Variants in NELL1 observed in about 807,000 individuals in gnomAD.
NELL1 encodes protein kinase C-binding protein NELL1.
In NELL1, 76 loss-of-function variants were observed where a neutral mutation model predicts 107.4. The observed-to-expected ratio is 0.71, with a 90% confidence interval of 0.59 to 0.86. The LOEUF (loss-of-function observed/expected upper bound fraction) is 0.86. Among genes scored for constraint, NELL1 ranks in the 40% least tolerant of loss-of-function variants. The pLI, the probability that NELL1 is intolerant of heterozygous loss-of-function variation, is 0.00. For synonymous variants in NELL1, 353 were observed against 341.2 expected (o/e 1.03, Z -0.38); for missense variants, 1,024 against 1,005.5 (o/e 1.02, Z -0.25).
At chr11:21,184,295 G>A (rs890532402) in intron 13 of NELL1, among the ~76,000 whole-genome samples, 3 of 151,654 alleles carry the variant, frequency 2.0e-5, no homozygotes, top group Admixed American at 1.3e-4. Flanking sequence ...TTGAGATGGA[G>A]TCTTGCTTTT....
At chr11:21,522,731 A>G (rs1855757267) in intron 15 of NELL1, among the ~76,000 whole-genome samples, 1 of 150,492 alleles carries the variant, frequency 6.6e-6, no homozygotes, top group South Asian at 2.1e-4. Flanking sequence ...TTTCAAATCT[A>G]TATATTTGAG....
chr11:21,194,393 G>A (rs997701273), intron 13 of NELL1, among the ~76,000 whole-genome samples: 1 of 152,076 alleles, frequency 6.6e-6, no homozygotes, highest in Middle Eastern at 3.2e-3. Context: ...GTTGCTCAGT[G>A]GTCCTCAACC....
At chr11:21,293,559 G>A (rs1464813404) in intron 14 of NELL1, among the ~76,000 whole-genome samples, 1 of 152,148 alleles carries the variant, frequency 6.6e-6, no homozygotes, top group Non-Finnish European at 1.5e-5. Flanking sequence ...AATACCATTT[G>A]ACCCAGCAAT....
intron 2 of NELL1, among the ~76,000 whole-genome samples, chr11:20,688,622 T>C (rs1715275): frequency 0.2 from 30,519 of 152,086 alleles, 3,329 homozygotes; most frequent in African/African-American, 0.25. Context: ...ACATTTTCTT[T>C]ATCCAATCCA....
intron 12 of NELL1, among the ~76,000 whole-genome samples, chr11:21,095,394 A>G (rs574556979): frequency 4.6e-5 from 7 of 152,248 alleles, no homozygotes; most frequent in Non-Finnish European, 8.8e-5. Context: ...CCTGTAACCC[A>G]GTTCCAAAGT....
At chr11:20,930,983 T>C (rs541442295) in intron 9 of NELL1, among the ~76,000 whole-genome samples, 28 of 152,292 alleles carry the variant, frequency 1.8e-4, no homozygotes, top group Non-Finnish European at 2.6e-4. Flanking sequence ...AAGGCACCTC[T>C]GGTAATTAAA....
chr11:21,555,873 A>G (rs920014233), intron 16 of NELL1, among the ~76,000 whole-genome samples: 1 of 151,826 alleles, frequency 6.6e-6, no homozygotes, highest in Admixed American at 6.6e-5. Context: ...CTCATTCTTC[A>G]TAGTCTGTGT....
chr11:21,179,188 G>T (rs1856773505), intron 13 of NELL1, among the ~76,000 whole-genome samples: 1 of 151,866 alleles, frequency 6.6e-6, no homozygotes, highest in Non-Finnish European at 1.5e-5. Context: ...GAAAAGTTGG[G>T]CTGGAGCTAG....
At chr11:20,755,550 G>GTTTTTTTTTTTTTTTTTTTTTTTTTTTTT (rs1226891368) in intron 2 of NELL1, among the ~76,000 whole-genome samples, 1 of 114,568 alleles carries the variant, frequency 8.7e-6, no homozygotes, top group African/African-American at 4.5e-5. Context: ...GTTTTTTTTT[G>GTTTTTTTTTTTTTTTTTTTTTTTTTTTTT]TTTTTGTTTT....
chr11:20,964,887 T>G (rs543230334), intron 12 of NELL1, among the ~76,000 whole-genome samples: 1 of 152,036 alleles, frequency 6.6e-6, no homozygotes, highest in South Asian at 2.1e-4. Context: ...AGAATGAAGA[T>G]GACATGGAAC....
intron 2 of NELL1, chr11:20,770,834 G>A (rs1159647164): frequency 6.6e-6 from 1 of 152,168 alleles, no homozygotes; most frequent in African/African-American, 2.4e-5. Flanking sequence ...GTTCATCAGG[G>A]ACTGACATTG....
intron 19 of NELL1, among the ~76,000 whole-genome samples, chr11:21,574,478 A>G (rs1294116546): frequency 6.6e-6 from 1 of 151,840 alleles, no homozygotes. Context: ...ATTTATAAGT[A>G]TTTATATACC....
At chr11:21,346,906 C>T (rs1426284780) in intron 14 of NELL1, among the ~76,000 whole-genome samples, 1 of 152,116 alleles carries the variant, frequency 6.6e-6, no homozygotes, top group African/African-American at 2.4e-5. Context: ...CCTCTATAGC[C>T]TCTTATTATA....
At chr11:21,299,509 ATATGTGTGTGTGTG>A (rs1565155352) in intron 14 of NELL1, among the ~76,000 whole-genome samples, 1 of 106,568 alleles carries the variant, frequency 9.4e-6, no homozygotes, top group East Asian at 2.9e-4. Context: ...TTATTGTCTT[ATATGTGTGTGTGTG>A]TGTGTGTGTG....
chr11:20,856,007 C>A (rs1848876136), intron 4 of NELL1, among the ~76,000 whole-genome samples: 1 of 152,236 alleles, frequency 6.6e-6, no homozygotes, highest in Admixed American at 6.5e-5. Flanking sequence ...TCCTTGGAAA[C>A]TTTAATTAAA....
At chr11:21,290,331 C>T (rs536745157) in intron 14 of NELL1, among the ~76,000 whole-genome samples, 8 of 150,702 alleles carry the variant, frequency 5.3e-5, no homozygotes, top group Admixed American at 2.6e-4. Context: ...ATTGCGCCAC[C>T]GCACTCCAGC....
chr11:21,300,304 T>C (rs891712749), intron 14 of NELL1, among the ~76,000 whole-genome samples: 1 of 151,918 alleles, frequency 6.6e-6, no homozygotes, highest in Non-Finnish European at 1.5e-5. Flanking sequence ...AAGAATACTT[T>C]TCTGGCTTGA....
intron 2 of NELL1, among the ~76,000 whole-genome samples, chr11:20,678,265 G>A (rs184841589): frequency 2.6e-5 from 4 of 152,240 alleles, no homozygotes; most frequent in Admixed American, 2.0e-4. Flanking sequence ...ATTTGGTTTG[G>A]CAGTGAAATA....
chr11:21,432,952 A>C (rs1271520978), intron 15 of NELL1, among the ~76,000 whole-genome samples: 1 of 152,142 alleles, frequency 6.6e-6, no homozygotes, highest in Non-Finnish European at 1.5e-5. Context: ...ACACACTAGA[A>C]GTTATTTCTC....
Sources: gnomAD v4.1 joint callset for allele counts (sites outside exome capture counted in the v4.1 genomes callset) on GRCh38, gnomAD v4.1.1 for gene constraint, MANE v1.5 for transcripts, NCBI Gene and HGNC (gene_info 2026-07-23, HGNC 2026-07-21) for gene names.